PTPRN2: variants seen among roughly 807,000 people sequenced by gnomAD.
PTPRN2 encodes the protein receptor-type tyrosine-protein phosphatase N2.
In PTPRN2, 74 loss-of-function variants were observed where a neutral mutation model predicts 118.8. That is an observed-to-expected ratio of 0.62 (90% confidence interval 0.52 to 0.76). The LOEUF is 0.76. Ranked by LOEUF, PTPRN2 falls within the 30% of genes least tolerant of loss-of-function variation. The probability of loss-of-function intolerance (pLI) is 0.00; values close to 1 mark genes in which losing one functional copy is unlikely to be tolerated. For missense variants in PTPRN2, 1,481 were observed against 1,394.4 expected, an observed-to-expected ratio of 1.06 and a Z score of -0.99; for synonymous variants, 641 against 608.0, an observed-to-expected ratio of 1.05 and a Z score of -0.80.
chr7:157,641,710 C>T (rs1332841907), intron 14 of PTPRN2, among the ~76,000 whole-genome samples: 1 of 152,190 alleles, frequency 6.6e-6, no homozygotes, highest in Non-Finnish European at 1.5e-5. Flanking sequence ...ACACTAGTGA[C>T]AAGTCAGGAC....
intron 2 of PTPRN2, among the ~76,000 whole-genome samples, chr7:158,434,288 A>G (rs1563288116): frequency 1.3e-5 from 2 of 152,226 alleles, no homozygotes; most frequent in African/African-American, 2.4e-5. Context: ...AAAAACAAAC[A>G]TGCATAAAAA....
chr7:158,075,268 C>G (rs557205582), intron 11 of PTPRN2, among the ~76,000 whole-genome samples: 1 of 152,204 alleles, frequency 6.6e-6, no homozygotes, highest in African/African-American at 2.4e-5. Flanking sequence ...TTCCCTAAAG[C>G]CTCCATCCAA....
In PTPRN2 at chr7:157,590,771, C is replaced by T. The variant is rs534570754; in HGVS notation, c.2496+4467G>A. 6.6e-6 allele frequency among the ~76,000 whole-genome samples: 1 copy of T among 152,160 alleles called. No individual in the cohort carries two copies. The highest frequency in any genetic ancestry group is 2.1e-4 in the South Asian group (1 of 4,836). On this transcript the variant is annotated intron_variant, in intron 17 of 22. Transcript: ENST00000389418. The surrounding 1 kb of genome is among the most constrained non-coding windows in gnomAD (Gnocchi z 4.0). ...CCTGAACCCGTCTTCCAGGCTCCCC[C>T]CTTCTGGACCCATGGGCCCCTGTAC...
chr7:158,139,867 A>G (rs1227566395), intron 6 of PTPRN2, among the ~76,000 whole-genome samples: 1 of 152,200 alleles, frequency 6.6e-6, no homozygotes, highest in Non-Finnish European at 1.5e-5. Context: ...AAATCATTCA[A>G]TCCAGGAGTT....
chr7:157,934,066 C>T lies in PTPRN2; in HGVS notation c.1724-35329G>A, dbSNP rs956058717. Reference sequence around the variant, plus strand: ...GAATAGACTGGGTTTTGCTCTTTGTCGAGAACACCAGGGACATCATCTTTT... The same window carrying T: ...GAATAGACTGGGTTTTGCTCTTTGTTGAGAACACCAGGGACATCATCTTTT... On this transcript the variant is annotated intron_variant, in intron 11 of 22. Coordinates refer to ENST00000389418, the MANE Select transcript of PTPRN2 (RefSeq NM_002847.5). Among the ~76,000 whole-genome samples, 9 of 152,172 alleles carry T rather than the reference C, an allele frequency of 5.9e-5. No individual in the cohort carries two copies. The East Asian group carries it at 7.7e-4, about 13-fold the overall frequency.
At chr7:158,185,349 T>C (rs1207084213) in intron 5 of PTPRN2, among the ~76,000 whole-genome samples, 3 of 152,226 alleles carry the variant, frequency 2.0e-5, no homozygotes, top group Admixed American at 6.5e-5. Context: ...TATCATTCTA[T>C]AAACATCACT....
chr7:158,109,493 A>G (rs908811627), intron 10 of PTPRN2, among the ~76,000 whole-genome samples: 4 of 151,276 alleles, frequency 2.6e-5, no homozygotes, highest in Non-Finnish European at 4.4e-5. Context: ...CCCTGTGTGA[A>G]GGGGCCAGTG....
chr7:157,870,985 G>A (rs1260334625), intron 12 of PTPRN2, among the ~76,000 whole-genome samples: 2 of 152,254 alleles, frequency 1.3e-5, no homozygotes, highest in African/African-American at 4.8e-5. Context: ...CTGGCTCAGA[G>A]ATGTTGAAAT....
chr7:157,860,900 AC>A (rs2151232515), intron 12 of PTPRN2, among the ~76,000 whole-genome samples: 1 of 152,374 alleles, frequency 6.6e-6, no homozygotes, highest in Non-Finnish European at 1.5e-5. Flanking sequence ...CACGGAACTG[AC>A]CAGGCAATTC....
intron 12 of PTPRN2, among the ~76,000 whole-genome samples, chr7:157,837,556 C>T (rs912621789): frequency 2.0e-5 from 3 of 151,854 alleles, no homozygotes; most frequent in Non-Finnish European, 4.4e-5. Context: ...CTCCCCAGCA[C>T]ACGCACCCAG....
intron 12 of PTPRN2, among the ~76,000 whole-genome samples, chr7:157,889,788 C>T (rs1025243794): frequency 6.6e-5 from 10 of 152,254 alleles, no homozygotes; most frequent in Non-Finnish European, 1.5e-4. Flanking sequence ...CGCTTCCCAG[C>T]TGGTCAGGTT....
chr7:158,421,376 T>C lies in PTPRN2; in HGVS notation c.163+68359A>G, dbSNP rs545045275. ...ATTTTAAAGTTGGGGTGACAAGCAC[T>C]GGGTTTTTGAACACTGAGCGGAGGG... On this transcript the variant is annotated intron_variant, in intron 2 of 22. Transcript: ENST00000389418. Among the ~76,000 whole-genome samples the C allele has an allele frequency of 2.6e-5, 4 of 152,364 alleles. No homozygotes were observed. In the East Asian group the frequency reaches 7.7e-4, roughly 29 times the overall value.
At position 157,539,374 on chromosome 7, in the gene PTPRN2, T is replaced by C. The variant is rs1480496086; in HGVS notation, c.*1340A>G. 2 of 151,882 alleles carry C rather than the reference T, an allele frequency of 1.3e-5. No homozygotes were observed. Among genetic ancestry groups the C allele is most frequent in the Admixed American group, 1.3e-4 (2 of 15,262 alleles). 9.4% of individuals were successfully genotyped at this position (151,882 alleles called of 1,614,324 possible). ...GTACCATCTATCTAAGATGGAGGAATGCTGTGGGAAGGGCGGGATGGAGGT... is the reference window on the plus strand; with the variant it reads ...GTACCATCTATCTAAGATGGAGGAACGCTGTGGGAAGGGCGGGATGGAGGT... On this transcript the variant is annotated 3_prime_UTR_variant, in exon 23 of 23. Transcript: ENST00000389418.
intron 12 of PTPRN2, among the ~76,000 whole-genome samples, chr7:157,734,280 C>T (rs1007062530): frequency 7.7e-5 from 10 of 130,550 alleles, no homozygotes; most frequent in Non-Finnish European, 1.5e-4. Flanking sequence ...GTGCAGTCTT[C>T]CGTCCCATGC....
chr7:158,052,225 A>G (rs1809378872), intron 11 of PTPRN2, among the ~76,000 whole-genome samples: 1 of 152,234 alleles, frequency 6.6e-6, no homozygotes, highest in Non-Finnish European at 1.5e-5. Context: ...GCTAATGTTT[A>G]TTATGCATTC....
At chr7:157,746,836 T>C (rs1276267368) in intron 12 of PTPRN2, among the ~76,000 whole-genome samples, 1 of 152,240 alleles carries the variant, frequency 6.6e-6, no homozygotes, top group African/African-American at 2.4e-5. Flanking sequence ...TGTTGAGGCC[T>C]GCATCCCTGA....
chr7:157,577,322 G>A (rs1800110942), intron 18 of PTPRN2, among the ~76,000 whole-genome samples: 1 of 152,168 alleles, frequency 6.6e-6, no homozygotes, highest in African/African-American at 2.4e-5. Flanking sequence ...CCACAGCTGT[G>A]TGGTTTAAGG....
intron 6 of PTPRN2, among the ~76,000 whole-genome samples, chr7:158,144,712 G>A (rs1819726461): frequency 6.6e-6 from 1 of 152,232 alleles, no homozygotes; most frequent in Admixed American, 6.5e-5. Context: ...CTCCAGGGCA[G>A]GCTGGCGCTT....
Position 158,517,580 on chromosome 7 carries a change from T to C in PTPRN2, c.113-27795A>G, listed in dbSNP as rs1303719976. ...TCTCCTCCAACAGCCGCCAGGATCA[T>C]CTTTACAAAATGCAAAGGTCATATT... On this transcript the variant is annotated intron_variant, in intron 1 of 22. Transcript: ENST00000389418. The surrounding 1 kb of genome is among the most constrained non-coding windows in gnomAD (Gnocchi z 5.3). 6.6e-6 allele frequency among the ~76,000 whole-genome samples: 1 copy of C among 151,942 alleles called. No individual in the cohort carries two copies. The highest frequency in any genetic ancestry group is 2.4e-5 in the African/African-American group (1 of 41,356).
Sources: allele counts gnomAD v4.1 joint callset (sites outside exome capture counted in the v4.1 genomes callset), GRCh38; gene constraint gnomAD v4.1.1; non-coding constraint Gnocchi (gnomAD v3.1); transcripts MANE v1.5; gene names NCBI Gene and HGNC (gene_info 2026-07-23, HGNC 2026-07-21).